BBS9: variants seen among roughly 807,000 people sequenced by gnomAD.
BBS9 encodes the protein Bardet-Biedl syndrome 9.
In BBS9, 89 loss-of-function variants were observed where a neutral mutation model predicts 117.7. The observed-to-expected ratio is 0.76, with a 90% CI of 0.64 to 0.90. The LOEUF (loss-of-function observed/expected upper bound fraction) is 0.90, where lower values mean the gene tolerates loss of function less well. Ranked by LOEUF, BBS9 falls within the 40% of genes least tolerant of loss-of-function variation. BBS9 has a pLI of 0.00. For missense variants in BBS9, 982 were observed against 1,042.2 expected (o/e 0.94, Z 0.80); for synonymous variants, 379 against 370.9 (o/e 1.02, Z -0.25).
chr7:33,180,335 A>G (rs960420526), intron 5 of BBS9, among the ~76,000 whole-genome samples: 1 of 149,536 alleles, frequency 6.7e-6, no homozygotes, highest in African/African-American at 2.5e-5. Flanking sequence ...GCACCCTTCT[A>G]TAGATGTAAA....
intron 20 of BBS9, among the ~76,000 whole-genome samples, chr7:33,518,230 A>G (rs1848086054): frequency 7.7e-6 from 1 of 129,504 alleles, no homozygotes; most frequent in Non-Finnish European, 1.7e-5. Context: ...ACATCATTAT[A>G]TTTTTGTATA....
chr7:33,519,787 T>C (rs1162114498), intron 20 of BBS9, among the ~76,000 whole-genome samples: 2 of 152,026 alleles, frequency 1.3e-5, no homozygotes, highest in Non-Finnish European at 2.9e-5. Flanking sequence ...CATAACGAAA[T>C]GGGAAAGACG....
intron 5 of BBS9, among the ~76,000 whole-genome samples, chr7:33,198,423 A>C (rs892311056): frequency 5.3e-5 from 8 of 152,010 alleles, no homozygotes; most frequent in African/African-American, 1.9e-4. Flanking sequence ...AGGTGGTACA[A>C]ACTGTTTTTA....
In BBS9 at chr7:33,516,352, G is replaced by A. The variant is rs149831089; in HGVS notation, c.2298+10707G>A. ...AAAAATACAAAAATTGGCCTGGTGC[G>A]GTGGCAGGCACCTGTAATCCCAGCT... On this transcript the variant is annotated intron_variant, in intron 20 of 22. Transcript: ENST00000242067. Among the ~76,000 whole-genome samples the A allele has an allele frequency of 2.3e-3, 347 of 151,898 alleles. 2 individuals carry two copies. Among genetic ancestry groups the A allele is most frequent in the Non-Finnish European group, 2.5e-3 (168 of 67,946 alleles).
chr7:33,356,226 T>C (rs1418740219), intron 15 of BBS9, among the ~76,000 whole-genome samples: 1 of 151,874 alleles, frequency 6.6e-6, no homozygotes, highest in East Asian at 1.9e-4. Context: ...TCAGTGGGTG[T>C]ATTTCCATAA....
chr7:33,230,455 T>C (rs1792140511), intron 5 of BBS9, among the ~76,000 whole-genome samples: 1 of 152,216 alleles, frequency 6.6e-6, no homozygotes, highest in Admixed American at 6.5e-5. Context: ...GGTATAAGTG[T>C]TTTTGCTTAC....
At position 33,155,619 on chromosome 7, in the gene BBS9, A is replaced by C. The variant is rs765860871; in HGVS notation, c.264-19A>C. On this transcript the variant is annotated intron_variant, in intron 3 of 22. Coordinates refer to ENST00000242067, the MANE Select transcript of BBS9 (RefSeq NM_198428.3). ...AAAGCTAATATTGGAAAACTTTAAAAACTTTCTCTGTTTTTCAGAGGTACC... is the reference window on the plus strand; with the variant it reads ...AAAGCTAATATTGGAAAACTTTAAACACTTTCTCTGTTTTTCAGAGGTACC... The C allele has an allele frequency of 6.3e-7, 1 of 1,577,102 alleles. No individual in the cohort carries two copies. The highest frequency in any genetic ancestry group is 8.7e-7 in the Non-Finnish European group (1 of 1,148,558).
intron 5 of BBS9, among the ~76,000 whole-genome samples, chr7:33,256,865 G>A (rs1220424981): frequency 6.6e-6 from 1 of 152,026 alleles, no homozygotes; most frequent in African/African-American, 2.4e-5. Context: ...ATCTTTCTCA[G>A]ATTAGGGATA....
intron 19 of BBS9, among the ~76,000 whole-genome samples, chr7:33,457,499 A>G (rs1316568506): frequency 6.6e-6 from 1 of 152,168 alleles, no homozygotes; most frequent in Non-Finnish European, 1.5e-5. Context: ...CACTGTCACT[A>G]TAGTCACTCA....
At chr7:33,532,884 T>C (rs1030284519) in intron 20 of BBS9, among the ~76,000 whole-genome samples, 21 of 152,188 alleles carry the variant, frequency 1.4e-4, no homozygotes, top group African/African-American at 4.8e-4. Context: ...CATAAATTCA[T>C]TTCTTGTCGT....
chr7:33,505,783 C>A, intron 20 of BBS9, 138 bp downstream of exon 20: 1 of 901,328 alleles, frequency 1.1e-6, no homozygotes, highest in Non-Finnish European at 1.7e-6. Flanking sequence ...CTTTCCTTGT[C>A]TTTAAACCAT....
At chr7:33,627,800 T>C (rs1865712517) in intron 21 of BBS9, among the ~76,000 whole-genome samples, 1 of 152,156 alleles carries the variant, frequency 6.6e-6, no homozygotes, top group Non-Finnish European at 1.5e-5. Context: ...CCCAGCACTT[T>C]GGGAGGCCGA....
chr7:33,406,664 T>C (rs1160081813), intron 19 of BBS9, among the ~76,000 whole-genome samples: 1 of 152,172 alleles, frequency 6.6e-6, no homozygotes, highest in African/African-American at 2.4e-5. Context: ...TGTTTGTCTG[T>C]AAAGTATTTT....
At chr7:33,375,131 A>G (rs537451573) in intron 17 of BBS9, among the ~76,000 whole-genome samples, 1 of 152,222 alleles carries the variant, frequency 6.6e-6, no homozygotes, top group South Asian at 2.1e-4. Flanking sequence ...ACCTTCCTTA[A>G]TTAAATATAT....
chr7:33,295,106 G>C (rs1008216682), intron 9 of BBS9, among the ~76,000 whole-genome samples: 5 of 152,068 alleles, frequency 3.3e-5, no homozygotes, highest in Non-Finnish European at 5.9e-5. Context: ...GATATACAGA[G>C]ACATTACATA....
At chr7:33,586,225 G>A (rs1860864085) in intron 21 of BBS9, among the ~76,000 whole-genome samples, 1 of 151,742 alleles carries the variant, frequency 6.6e-6, no homozygotes, top group African/African-American at 2.4e-5. Context: ...TTAAAAATGG[G>A]CAAAAGACAT....
chr7:33,273,880 A>G lies in BBS9; in HGVS notation c.940A>G (p.Ile314Val), dbSNP rs372698195. Reference protein sequence around the residue: ...LIGNHNNMLHIYQDVTLKWAT... With the variant: ...LIGNHNNMLHVYQDVTLKWAT... ...TGGAAATCATAATAACATGCTGCATATTTATCAAGATGTGACACTGAAGTG... is the reference window on the plus strand; with the variant it reads ...TGGAAATCATAATAACATGCTGCATGTTTATCAAGATGTGACACTGAAGTG... Residue 314 changes from isoleucine to valine, a missense_variant, in exon 9 of 23, where the codon ATT (isoleucine) becomes GTT (valine). Physicochemically the swap from Ile to Val is conservative, Grantham distance 29. Coordinates refer to ENST00000242067, the MANE Select transcript of BBS9 (RefSeq NM_198428.3). 9.9e-6 allele frequency: 16 copies of G among 1,610,434 alleles called. No homozygotes were observed. Among genetic ancestry groups the G allele is most frequent in the Middle Eastern group, 1.6e-4 (1 of 6,072 alleles).
At chr7:33,511,520 A>G (rs187387333) in intron 20 of BBS9, among the ~76,000 whole-genome samples, 55 of 152,252 alleles carry the variant, frequency 3.6e-4, no homozygotes, top group African/African-American at 1.3e-3. Flanking sequence ...AGTACGTTCA[A>G]TGTCTTTACT....
intron 9 of BBS9, among the ~76,000 whole-genome samples, chr7:33,280,257 G>C (rs1015730191): frequency 1.3e-5 from 2 of 151,946 alleles, no homozygotes; most frequent in Admixed American, 1.3e-4. Flanking sequence ...TGAGGTTTGG[G>C]GTACAGATTC....
Sources: gnomAD v4.1 joint callset for allele counts (sites outside exome capture counted in the v4.1 genomes callset) on GRCh38, gnomAD v4.1.1 for gene constraint, MANE v1.5 for transcripts, NCBI Gene and HGNC (gene_info 2026-07-23, HGNC 2026-07-21) for gene names.